Variants in NDUFV3 observed in about 807,000 individuals in gnomAD.
The protein encoded by NDUFV3 is NADH dehydrogenase [ubiquinone] flavoprotein 3, mitochondrial.
In NDUFV3, 44 loss-of-function variants were observed where a neutral mutation model predicts 37.5. The observed-to-expected ratio is 1.17, with a 90% CI of 0.92 to 1.51. The LOEUF is 1.51. Ranked by LOEUF, NDUFV3 falls within the 40% of genes most tolerant of loss-of-function variation. The probability of loss-of-function intolerance (pLI) is 0.00; values close to 1 mark genes in which losing one functional copy is unlikely to be tolerated. For missense variants in NDUFV3, 580 were observed against 580.4 expected, an observed-to-expected ratio of 1.00 and a Z score of 0.01; for synonymous variants, 235 against 239.3, an observed-to-expected ratio of 0.98 and a Z score of 0.17.
chr21:42,894,210 A>G (rs1219105717), intron 1 of NDUFV3, among the ~76,000 whole-genome samples: 1 of 144,786 alleles, frequency 6.9e-6, no homozygotes, highest in Non-Finnish European at 1.5e-5. Context: ...ATAAATAAAT[A>G]AATAAAATAA....
chr21:42,900,217 T>C (rs1283656444), intron 2 of NDUFV3, among the ~76,000 whole-genome samples: 2 of 151,950 alleles, frequency 1.3e-5, no homozygotes, highest in Non-Finnish European at 2.9e-5. Flanking sequence ...AAATAAATAC[T>C]GAGTCTGGGT....
chr21:42,896,749 G>T (rs1385057639), intron 1 of NDUFV3, among the ~76,000 whole-genome samples, 178 bp from the exon 2 acceptor site: 1 of 152,094 alleles, frequency 6.6e-6, no homozygotes, highest in African/African-American at 2.4e-5. Context: ...CTATGTCAGA[G>T]TATCGCTTGG....
At chr21:42,900,918 G>A (rs571404709) in intron 2 of NDUFV3, among the ~76,000 whole-genome samples, 7 of 152,264 alleles carry the variant, frequency 4.6e-5, no homozygotes, top group Non-Finnish European at 8.8e-5. Context: ...TTGGGGAACC[G>A]CTGGGCTCTC....
rs560605965 is a variant in NDUFV3 at position 42,908,964 on chromosome 21, A to T, written c.1365A>T (p.Glu455Asp). 6.2e-7 allele frequency: 1 copy of T among 1,613,814 alleles called. No homozygotes were observed. The highest frequency in any genetic ancestry group is 1.1e-5 in the South Asian group (1 of 91,076). The change falls in exon 4 of 4, where the codon GAA (glutamate) becomes GAT (aspartate). Residue 455 changes from glutamate to aspartate, a missense_variant. Transcript: ENST00000354250. ...ACACCTTCTTAGACCTCAACCTCGA[A>T]CTCTCAAAATTCAGGATGCCTCAGC... ...STYTFLDLNL[E>D]LSKFRMPQPS...
intron 1 of NDUFV3, among the ~76,000 whole-genome samples, chr21:42,895,515 G>A (rs560007054): frequency 4.6e-5 from 7 of 152,052 alleles, no homozygotes; most frequent in Middle Eastern, 3.4e-3. Context: ...AGCCAGGTGC[G>A]GTGGTGCACA....
chr21:42,904,214 A>G lies in NDUFV3; in HGVS notation c.1202A>G (p.Glu401Gly). Residue 401 changes from glutamate (E) to glycine (G), a missense_variant, in exon 3 of 4, where the codon GAG becomes GGG. By Grantham distance (98) the Glu-to-Gly change is moderately conservative. Transcript: ENST00000354250. ...GAAAAGACAGCAGCGCTGAAGCTTG[A>G]GGCCGAGGGCGAGGCCATGGAAGAT... is the stretch of plus-strand genomic sequence containing the variant. ...FHEKTAALKLEAEGEAMEDAA... is the reference protein window; with the variant it reads ...FHEKTAALKLGAEGEAMEDAA... 2 of 1,613,750 alleles carry G rather than the reference A, an allele frequency of 1.2e-6. No homozygotes were observed. Among genetic ancestry groups the G allele is most frequent in the Non-Finnish European group, 1.7e-6 (2 of 1,179,824 alleles).
intron 2 of NDUFV3, among the ~76,000 whole-genome samples, chr21:42,901,547 G>A (rs1030653441): frequency 1.3e-5 from 2 of 151,558 alleles, no homozygotes; most frequent in Non-Finnish European, 2.9e-5. Context: ...GTTTCACTGA[G>A]CCGAGATTTG....
At chr21:42,895,234 G>T (rs1319282492) in intron 1 of NDUFV3, among the ~76,000 whole-genome samples, 1 of 152,092 alleles carries the variant, frequency 6.6e-6, no homozygotes, top group Non-Finnish European at 1.5e-5. Context: ...TGTAATGCCA[G>T]TACTTTGAGA....
chr21:42,896,787 C>G (rs1013848379), intron 1 of NDUFV3, 140 bp from the exon 2 acceptor site: 4 of 772,354 alleles, frequency 5.2e-6, no homozygotes, highest in Non-Finnish European at 8.0e-6. Flanking sequence ...TGCAGTGAGC[C>G]ATGATTGTGC....
intron 1 of NDUFV3, among the ~76,000 whole-genome samples, chr21:42,894,617 G>A (rs2058683098): frequency 7.4e-6 from 1 of 135,858 alleles, no homozygotes; most frequent in African/African-American, 2.8e-5. Flanking sequence ...GGAGTGCAAT[G>A]GCACCATCTC....
intron 2 of NDUFV3, among the ~76,000 whole-genome samples, chr21:42,899,188 C>T (rs903042636): frequency 1.1e-4 from 16 of 152,040 alleles, no homozygotes; most frequent in Non-Finnish European, 2.9e-5. Context: ...GTGGGATACA[C>T]GTAGCTACTG....
In NDUFV3 at chr21:42,908,897, A is replaced by C; in HGVS notation, c.1298A>C (p.Asn433Thr). 6.2e-7 allele frequency: 1 copy of C among 1,614,124 alleles called. No homozygotes were observed. The highest frequency in any genetic ancestry group is 8.5e-7 in the Non-Finnish European group (1 of 1,180,026). The change falls in exon 4 of 4, where the codon AAC (asparagine) becomes ACC (threonine). Residue 433 changes from asparagine (N) to threonine (T), a missense_variant. Asn to Thr is a moderately conservative substitution (Grantham distance 65). Transcript: ENST00000354250. ...PAPVPAEPFD[N>T]TTYKNLQHHD... ...CCAGTGCCTGCTGAGCCGTTTGACA[A>C]CACTACCTACAAGAACCTGCAGCAT...
In NDUFV3 at chr21:42,897,059, A is replaced by T; in HGVS notation, c.169+12A>T. ...AAGTCCACCAAAAAGTAAGATTTTG[A>T]TGGTAGTCATAAGGGAAAGAGAATG... On this transcript the variant is annotated intron_variant, in intron 2 of 3. Transcript: ENST00000354250. 6.2e-7 allele frequency: 1 copy of T among 1,613,578 alleles called. No homozygotes were observed. Among genetic ancestry groups the T allele is most frequent in the Non-Finnish European group, 8.5e-7 (1 of 1,179,658 alleles).
intron 2 of NDUFV3, among the ~76,000 whole-genome samples, chr21:42,899,286 T>TTTTTTTTTTTTTTTTTTG (rs1370334671): frequency 7.1e-6 from 1 of 140,866 alleles, no homozygotes. Flanking sequence ...TGTTTTTTTT[T>TTTTTTTTTTTTTTTTTTG]GAGACAGAGT....
Position 42,904,292 on chromosome 21 carries a change from C to T in NDUFV3, c.1264+16C>T, listed in dbSNP as rs142259713. On this transcript the variant is annotated intron_variant, in intron 3 of 3. Coordinates refer to ENST00000354250, the MANE Select transcript of NDUFV3 (RefSeq NM_021075.4). ...GGCACACAGGGTATACCTTGACTCG[C>T]GCTCCCAAGTGCACCCTGTCCCTTA... The T allele has an allele frequency of 5.1e-3, 8,106 of 1,575,348 alleles. 26 individuals carry two copies. Among genetic ancestry groups the T allele is most frequent in the Non-Finnish European group, 6.3e-3 (7,360 of 1,160,276 alleles).
rs1568854389 is a variant in NDUFV3, at chr21:42,894,511, TTATA to T, written c.48+1134_48+1137del. Among the ~76,000 whole-genome samples the T allele has an allele frequency of 6.4e-4, 41 of 64,238 alleles. 1 individual carries two copies. In the South Asian group the frequency reaches 0.012, roughly 19 times the overall value. The allele number at this position is 64,238 out of a possible 152,430, so 42.1% of individuals were successfully genotyped here. On this transcript the variant is annotated intron_variant, in intron 1 of 3. Coordinates refer to ENST00000354250, the MANE Select transcript of NDUFV3 (RefSeq NM_021075.4). ...TATTTATATAATATATAATATATAT[TTATA>T]TATTATATATAATATATATCATAAT...
chr21:42,897,794 G>T (rs985264934), intron 2 of NDUFV3, among the ~76,000 whole-genome samples: 1 of 151,376 alleles, frequency 6.6e-6, no homozygotes, highest in African/African-American at 2.4e-5. Context: ...CTCCTGCCTC[G>T]GCCTCCTGAG....
At position 42,903,282 on chromosome 21, in the gene NDUFV3, G is replaced by A. The variant is rs757547474; in HGVS notation, c.270G>A (p.Val90=). The change falls in exon 3 of 4, where the codon GTG becomes GTA. Residue 90 remains valine (V), a synonymous_variant. Transcript: ENST00000354250. ...CACCCAGTTCTTACCCGCCAGCTGT[G>A]AATAAGGGCAGGAAGGTAGCTAGTC... ...LSSPSSYPPA[V]NKGRKVASPS... 1.2e-6 allele frequency: 2 copies of A among 1,614,174 alleles called. No homozygotes were observed. Among genetic ancestry groups the A allele is most frequent in the South Asian group, 2.2e-5 (2 of 91,076 alleles).
At chr21:42,903,019 C>G (rs939707819) in intron 2 of NDUFV3, among the ~76,000 whole-genome samples, 163 bp from the exon 3 acceptor site, 3 of 152,166 alleles carry the variant, frequency 2.0e-5, no homozygotes, top group Admixed American at 2.0e-4. Flanking sequence ...TGAACATTTT[C>G]CATCCTCAGT....
Sources: gnomAD v4.1 joint callset for allele counts (sites outside exome capture counted in the v4.1 genomes callset) on GRCh38, gnomAD v4.1.1 for gene constraint, MANE v1.5 for transcripts, NCBI Gene and HGNC (gene_info 2026-07-23, HGNC 2026-07-21) for gene names.